The following RBM19 variants were observed in gnomAD, a reference collection of about 807,000 sequenced individuals.
RBM19 encodes the protein RNA binding motif protein 19, also known as probable RNA-binding protein 19.
In RBM19, 94 loss-of-function variants were observed where a neutral mutation model predicts 116.8. The observed-to-expected ratio is 0.80, with a 90% CI of 0.68 to 0.95. The LOEUF is 0.95. Among genes scored for constraint, RBM19 ranks in the 40% least tolerant of loss-of-function variants. The pLI, the probability that RBM19 is intolerant of heterozygous loss-of-function variation, is 0.00. For synonymous variants in RBM19, 475 were observed against 494.1 expected, an observed-to-expected ratio of 0.96 and a Z score of 0.51; for missense variants, 1,161 against 1,220.7, an observed-to-expected ratio of 0.95 and a Z score of 0.73.
intron 21 of RBM19, among the ~76,000 whole-genome samples, 179 bp from the exon 22 acceptor site, chr12:113,859,075 C>T (rs566764426): frequency 5.9e-5 from 9 of 152,354 alleles, no homozygotes; most frequent in South Asian, 2.1e-4. Flanking sequence ...CTCCCAGGCC[C>T]GGGCCATCAG....
At chr12:113,950,210 G>A (rs1871356244) in intron 8 of RBM19, 56 bp from the exon 9 acceptor site, 1 of 1,397,776 alleles carries the variant, frequency 7.2e-7, no homozygotes, top group South Asian at 1.2e-5. Context: ...CACTTGTGGT[G>A]GTCCCCAGAG....
chr12:113,880,686 T>C (rs1981938), intron 21 of RBM19, among the ~76,000 whole-genome samples: 15,093 of 151,816 alleles, frequency 0.099, 1,008 homozygotes, highest in East Asian at 0.34. Context: ...CCCTGCCCAC[T>C]GAGCTACACT....
chr12:113,958,349 G>C (rs907766525), intron 5 of RBM19, among the ~76,000 whole-genome samples: 2 of 152,182 alleles, frequency 1.3e-5, no homozygotes, highest in African/African-American at 4.8e-5. Context: ...GTAGGTACAG[G>C]ACGGTCAGTC....
In RBM19 at chr12:113,924,715, T is replaced by C; in HGVS notation, c.2287A>G (p.Lys763Glu). The change falls in exon 18 of 24, where the codon AAG becomes GAG. Residue 763 changes from lysine (K) to glutamate (E), a missense_variant. Transcript: ENST00000261741. ...GGAATACCTGCTTTGTTCTTCTTCT[T>C]GGAGATGGAGCAGCTCTTCACTGTC... ...VGTVKSCSIS[K>E]KKNKAGVLLS... The C allele has an allele frequency of 6.4e-7, 1 of 1,550,488 alleles. No homozygotes were observed. Among genetic ancestry groups the C allele is most frequent in the Non-Finnish European group, 8.9e-7 (1 of 1,122,222 alleles).
In RBM19 at chr12:113,959,250, T is replaced by A; in HGVS notation, c.533A>T (p.Gln178Leu). The change falls in exon 5 of 24, where the codon CAG becomes CTG. Residue 178 changes from glutamine to leucine, a missense_variant. By Grantham distance (113) the Gln-to-Leu change is moderately radical (BLOSUM62 -2). Coordinates refer to ENST00000261741, the MANE Select transcript of RBM19 (RefSeq NM_016196.4). ...CCCGGCTCCCTCCTCCTCACTCTCC[T>A]GCCCAGAATCGGAGTCGAAGTTCAG... ...DYLNFDSDSG[Q>L]ESEEEGAGED... 1.2e-6 allele frequency: 2 copies of A among 1,613,242 alleles called. No homozygotes were observed. The highest frequency in any genetic ancestry group is 1.7e-6 in the Non-Finnish European group (2 of 1,179,832).
intron 23 of RBM19, among the ~76,000 whole-genome samples, chr12:113,837,619 G>A (rs1394491529): frequency 6.6e-6 from 1 of 152,204 alleles, no homozygotes; most frequent in Non-Finnish European, 1.5e-5. Context: ...TCACAGAACG[G>A]GTATGAGGAC....
Position 113,947,464 on chromosome 12 carries a change from C to A in RBM19, c.1277G>T (p.Gly426Val). 6.3e-7 allele frequency: 1 copy of A among 1,595,416 alleles called. No individual in the cohort carries two copies. Among genetic ancestry groups the A allele is most frequent in the Non-Finnish European group, 8.6e-7 (1 of 1,165,048 alleles). Residue 426 changes from glycine to valine, a missense_variant and splice_region_variant, in exon 11 of 24, where the codon GGT (glycine) becomes GTT (valine). Physicochemically the swap from Gly to Val is moderately radical, Grantham distance 109. Coordinates refer to ENST00000261741, the MANE Select transcript of RBM19 (RefSeq NM_016196.4). ...EDLEKLFSKY[G>V]PLSELHYPID... ...GGGGTAGTGGAGCTCAGACAGGGGA[C>A]CTGAGGACAGGAGAAGTGTCGGTCT...
chr12:113,856,829 C>T (rs1301682996), intron 22 of RBM19, among the ~76,000 whole-genome samples: 1 of 152,186 alleles, frequency 6.6e-6, no homozygotes, highest in Admixed American at 6.5e-5. Context: ...TAAATTATCA[C>T]CCCATCCAAA....
chr12:113,927,415 CAGAG>C (rs1869186531), intron 16 of RBM19, 186 bp from the exon 17 acceptor site: 3 of 649,572 alleles, frequency 4.6e-6, no homozygotes, highest in South Asian at 4.2e-5. Flanking sequence ...ACTCTTGAGA[CAGAG>C]AGAAAGTCCT....
chr12:113,892,749 A>G (rs1462711299), intron 21 of RBM19, among the ~76,000 whole-genome samples: 1 of 152,192 alleles, frequency 6.6e-6, no homozygotes, highest in African/African-American at 2.4e-5. Context: ...GAACCTGAGT[A>G]TCTCATGAAA....
At chr12:113,869,835 C>T (rs1027859208) in intron 21 of RBM19, among the ~76,000 whole-genome samples, 2 of 152,174 alleles carry the variant, frequency 1.3e-5, no homozygotes, top group African/African-American at 4.8e-5. Flanking sequence ...AAGGTAACTC[C>T]AGAAACTCCA....
intron 7 of RBM19, among the ~76,000 whole-genome samples, chr12:113,954,104 G>A (rs943016427): frequency 6.6e-6 from 1 of 152,194 alleles, no homozygotes. Context: ...TGCTGTAGCA[G>A]AGTATATTCA....
intron 16 of RBM19, among the ~76,000 whole-genome samples, chr12:113,933,488 T>C (rs1216721360): frequency 2.0e-5 from 3 of 152,044 alleles, no homozygotes; most frequent in Non-Finnish European, 4.4e-5. Flanking sequence ...ACAGCGGGGC[T>C]TGGAATTAGC....
In RBM19 at chr12:113,957,981, T is replaced by A; in HGVS notation, c.641A>T (p.Lys214Met). The A allele has an allele frequency of 6.2e-7, 1 of 1,614,228 alleles. No individual in the cohort carries two copies. The highest frequency in any genetic ancestry group is 8.5e-7 in the Non-Finnish European group (1 of 1,180,034). Residue 214 changes from lysine to methionine, a missense_variant, in exon 6 of 24, where the codon AAG becomes ATG. Lys to Met is a moderately conservative substitution (Grantham distance 95). Transcript: ENST00000261741. Reference protein sequence around the residue: ...ELSDMDYLKSKMVKAGSSSSS... With the variant: ...ELSDMDYLKSMMVKAGSSSSS... ...AGAGGACGACCCAGCCTTCACCATC[T>A]TGGATTTCAGGTAATCCATGTCCGA... is the stretch of plus-strand genomic sequence containing the variant.
At chr12:113,839,798 C>T (rs892991372) in intron 23 of RBM19, among the ~76,000 whole-genome samples, 25 of 152,200 alleles carry the variant, frequency 1.6e-4, no homozygotes, top group African/African-American at 4.8e-5. Flanking sequence ...CAGGGAGGAA[C>T]GACTTGCCCC....
chr12:113,928,661 G>GTGTCTC (rs1555242499), intron 16 of RBM19, among the ~76,000 whole-genome samples: 1 of 149,396 alleles, frequency 6.7e-6, no homozygotes. Context: ...GTGTGTGTGT[G>GTGTCTC]TCTGCAGCTC....
chr12:113,873,645 C>G (rs1222197308), intron 21 of RBM19, among the ~76,000 whole-genome samples: 6 of 132,330 alleles, frequency 4.5e-5, no homozygotes, highest in Non-Finnish European at 8.0e-5. Context: ...TGCCAAATCC[C>G]CCTCTGTGAG....
chr12:113,865,358 CCTAT>C (rs1878721799), intron 21 of RBM19, among the ~76,000 whole-genome samples: 2 of 152,182 alleles, frequency 1.3e-5, no homozygotes, highest in Admixed American at 1.3e-4. Flanking sequence ...CTGTGACCAT[CCTAT>C]CTAACGTTGC....
chr12:113,924,594 C>T (rs1317469503), intron 18 of RBM19, 103 bp downstream of exon 18: 1 of 1,023,302 alleles, frequency 9.8e-7, no homozygotes, highest in Non-Finnish European at 1.5e-6. Flanking sequence ...TCAAAATGTG[C>T]AAGGGAGAAC....
Sources: gnomAD v4.1 joint callset for allele counts (sites outside exome capture counted in the v4.1 genomes callset) on GRCh38, gnomAD v4.1.1 for gene constraint, MANE v1.5 for transcripts, NCBI Gene and HGNC (gene_info 2026-07-23, HGNC 2026-07-21) for gene names.